Variants in METTL17 observed in about 807,000 individuals in gnomAD.
The protein encoded by METTL17 is ribosome assembly protein METTL17, mitochondrial.
A neutral mutation model predicts 59.4 loss-of-function variants in METTL17; 49 were observed. That is an observed-to-expected ratio of 0.82 (90% CI 0.66 to 1.05). The LOEUF is 1.05. Ranked by LOEUF, METTL17 falls within the 50% of genes least tolerant of loss-of-function variation. METTL17 has a pLI of 0.00. For synonymous variants in METTL17, 208 were observed against 209.2 expected (o/e 0.99, Z 0.05); for missense variants, 555 against 578.4 (o/e 0.96, Z 0.41).
At position 20,994,629 on chromosome 14, in the gene METTL17, T is replaced by A. The variant is rs370510863; in HGVS notation, c.768+16T>A. ...ATCACCCAAGGCAAGTGGCAGTGTTTAGAATATTCTAAATGTGGAATGTGG... is the reference window on the plus strand; with the variant it reads ...ATCACCCAAGGCAAGTGGCAGTGTTAAGAATATTCTAAATGTGGAATGTGG... On this transcript the variant is annotated intron_variant, in intron 8 of 13. Coordinates refer to ENST00000339374, the MANE Select transcript of METTL17 (RefSeq NM_022734.3). 70 of 1,611,422 alleles carry A rather than the reference T, an allele frequency of 4.3e-5. No homozygotes were observed. The African/African-American group carries it at 8.4e-4, about 19-fold the overall frequency.
intron 3 of METTL17, chr14:20,991,786 C>T (rs1203748066): frequency 4.3e-6 from 1 of 232,526 alleles, no homozygotes; most frequent in Non-Finnish European, 8.4e-6. Flanking sequence ...GCCTCAGCCT[C>T]CCAAAGTGCT....
Position 20,992,093 on chromosome 14 carries a change from TC to T in METTL17, c.365-29del, listed in dbSNP as rs761339285. The T allele has an allele frequency of 5.8e-5, 94 of 1,608,564 alleles. 2 individuals carry two copies. In the South Asian group the frequency reaches 8.8e-4, roughly 15 times the overall value. On this transcript the variant is annotated intron_variant, in intron 3 of 13. Transcript: ENST00000339374. ...GGATCTGAGCCCTGTTCTCCCTAGG[TC>T]CTGACTTCCAGTCCTTGTTCTCACC...
In METTL17 at chr14:20,996,707, G is replaced by T; in HGVS notation, c.1261G>T (p.Gly421Cys). Residue 421 changes from glycine (G) to cysteine (C), a missense_variant, in exon 13 of 14, where the codon GGC becomes TGC. Coordinates refer to ENST00000339374, the MANE Select transcript of METTL17 (RefSeq NM_022734.3). Reference sequence around the variant, plus strand: ...TGCTGTGCTCACAGCCCGCCGGCACGGCAGGTATGGGGGGTGTGACCAAAA... The same window carrying T: ...TGCTGTGCTCACAGCCCGCCGGCACTGCAGGTATGGGGGGTGTGACCAAAA... ...QHAVLTARRH[G>C]RDLYRCARVS... 6.2e-7 allele frequency: 1 copy of T among 1,614,222 alleles called. No individual in the cohort carries two copies. Among genetic ancestry groups the T allele is most frequent in the Non-Finnish European group, 8.5e-7 (1 of 1,180,048 alleles).
At chr14:20,996,179 G>C in intron 11 of METTL17, 30 bp from the exon 12 acceptor site, 1 of 1,597,974 alleles carries the variant, frequency 6.3e-7, no homozygotes, top group Non-Finnish European at 8.6e-7. Context: ...TGGCTCTTTT[G>C]TCTTACCTCA....
Position 20,995,946 on chromosome 14 carries a change from G to A in METTL17, c.991G>A (p.Ala331Thr). The A allele has an allele frequency of 6.2e-7, 1 of 1,614,038 alleles. No individual in the cohort carries two copies. Among genetic ancestry groups the A allele is most frequent in the East Asian group, 2.2e-5 (1 of 44,878 alleles). The change falls in exon 11 of 14, where the codon GCC becomes ACC. Residue 331 changes from alanine to threonine, a missense_variant. Ala to Thr is a moderately conservative substitution (Grantham distance 58, BLOSUM62 0). Coordinates refer to ENST00000339374, the MANE Select transcript of METTL17 (RefSeq NM_022734.3). ...PLDPRPGFVF[A>T]PCPHELPCPQ... is the part of the protein sequence containing the mutation. ...GGACCCTCGACCTGGTTTTGTCTTT[G>A]CCCCGGTGAGTATTACTTCTGCCTG...
chr14:20,994,464 C>T, intron 7 of METTL17, 79 bp from the exon 8 acceptor site: 1 of 1,206,380 alleles, frequency 8.3e-7, no homozygotes, highest in East Asian at 2.3e-5. Context: ...TTCTTGGGGC[C>T]ATGTTTCTTA....
chr14:20,996,230 C>T lies in METTL17; in HGVS notation c.1018C>T (p.Pro340Ser), dbSNP rs759881123. ...ACAGTGTCCCCATGAACTCCCTTGT[C>T]CCCAGTTGACCAACCTGGCCTGTAG... ...FAPCPHELPC[P>S]QLTNLACSFS... Residue 340 changes from proline (P) to serine (S), a missense_variant, in exon 12 of 14, where the codon CCC becomes TCC. Coordinates refer to ENST00000339374, the MANE Select transcript of METTL17 (RefSeq NM_022734.3). 14 of 1,613,978 alleles carry T rather than the reference C, an allele frequency of 8.7e-6. No homozygotes were observed. The highest frequency in any genetic ancestry group is 1.1e-5 in the Non-Finnish European group (13 of 1,180,012).
chr14:20,993,005 C>T (rs1880121558), intron 5 of METTL17, 113 bp from the exon 6 acceptor site: 1 of 873,858 alleles, frequency 1.1e-6, no homozygotes, highest in Non-Finnish European at 1.9e-6. Context: ...TGTATTGAAT[C>T]TCAAAAGGCA....
chr14:20,990,116 A>T (rs758004929), intron 1 of METTL17, 39 bp downstream of exon 1: 1 of 1,612,134 alleles, frequency 6.2e-7, no homozygotes, highest in South Asian at 1.1e-5. Flanking sequence ...GAGACTCTGG[A>T]TCTGCAGAGA....
chr14:20,994,724 G>T (rs1880257003), intron 8 of METTL17, 70 bp from the exon 9 acceptor site: 2 of 1,534,104 alleles, frequency 1.3e-6, no homozygotes, highest in African/African-American at 1.4e-5. Flanking sequence ...AAATTTAGCG[G>T]CTAGGACTTT....
At chr14:20,993,018 C>CA in intron 5 of METTL17, 100 bp from the exon 6 acceptor site, 1 of 982,980 alleles carries the variant, frequency 1.0e-6, no homozygotes, top group African/African-American at 1.6e-5. Context: ...AAAAGGCATT[C>CA]ACATCTCACA....
rs776649779 is a variant in METTL17, at chr14:20,994,878, T to C, written c.853T>C (p.Trp285Arg). Residue 285 changes from tryptophan to arginine, a missense_variant, in exon 9 of 14, where the codon TGG becomes CGG. By Grantham distance (101) the Trp-to-Arg change is moderately radical (BLOSUM62 -3). Coordinates refer to ENST00000339374, the MANE Select transcript of METTL17 (RefSeq NM_022734.3). The stretch of plus-strand genomic sequence containing the variant: ...CCGCACTGAGGTAGTTCAAACCTTA[T>C]GGCGTAAGACAGGTCATTTCCTGGT... ...ADRTEVVQTL[W>R]RKTGHFLVLV... is the part of the protein sequence containing the mutation. 2.5e-6 allele frequency: 4 copies of C among 1,613,886 alleles called. No homozygotes were observed. The highest frequency in any genetic ancestry group is 2.7e-5 in the African/African-American group (2 of 74,948).
chr14:20,994,101 G>A (rs147127193), intron 7 of METTL17, 38 bp downstream of exon 7: 4 of 1,433,724 alleles, frequency 2.8e-6, no homozygotes, highest in South Asian at 1.2e-5. Context: ...AGGGAGTTAA[G>A]AAAGCAAAGG....
chr14:20,992,675 C>T, intron 5 of METTL17, 53 bp downstream of exon 5: 1 of 1,371,368 alleles, frequency 7.3e-7, no homozygotes. Context: ...GTTCCCTATT[C>T]ATAAAGTAGT....
intron 6 of METTL17, 95 bp downstream of exon 6, chr14:20,993,286 G>A: frequency 2.0e-6 from 2 of 1,020,182 alleles, no homozygotes; most frequent in Non-Finnish European, 3.1e-6. Flanking sequence ...AAACCAGAGG[G>A]AGAATAGGCA....
intron 3 of METTL17, 164 bp from the exon 4 acceptor site, chr14:20,991,960 G>A (rs943673238): frequency 3.7e-5 from 23 of 622,160 alleles, no homozygotes; most frequent in South Asian, 2.1e-4. Flanking sequence ...AGTTGTTACC[G>A]TTAATTCTTG....
chr14:20,994,272 T>C (rs1274020995), intron 7 of METTL17, among the ~76,000 whole-genome samples: 1 of 151,296 alleles, frequency 6.6e-6, no homozygotes, highest in Non-Finnish European at 1.5e-5. Context: ...AGGCCTAATA[T>C]TCTCCCTGCC....
rs545818940 is a variant in METTL17 at position 20,996,171 on chromosome 14, G to C, written c.997-38G>C. ...CAGTTTTTAAGTTTTGTGATTGATGGCTCTTTTGTCTTACCTCATTTTTTT... is the reference window on the plus strand; with the variant it reads ...CAGTTTTTAAGTTTTGTGATTGATGCCTCTTTTGTCTTACCTCATTTTTTT... On this transcript the variant is annotated intron_variant, in intron 11 of 13. Transcript: ENST00000339374. 3.2e-6 allele frequency: 5 copies of C among 1,574,276 alleles called. No homozygotes were observed. The South Asian group carries it at 5.6e-5, about 18-fold the overall frequency.
intron 10 of METTL17, among the ~76,000 whole-genome samples, 175 bp downstream of exon 10, chr14:20,995,408 G>A (rs575284798): frequency 9.3e-4 from 141 of 152,308 alleles, no homozygotes; most frequent in African/African-American, 2.8e-3. Flanking sequence ...GATCAAATCC[G>A]ACCTGCCACC....
Sources: allele counts gnomAD v4.1 joint callset (sites outside exome capture counted in the v4.1 genomes callset), GRCh38; gene constraint gnomAD v4.1.1; transcripts MANE v1.5; gene names NCBI Gene and HGNC (gene_info 2026-07-23, HGNC 2026-07-21).